The following P2RY11 variants were observed in gnomAD, a reference collection of about 807,000 sequenced individuals.
P2RY11 encodes P2Y purinoceptor 11.
A neutral mutation model predicts 2.4 loss-of-function variants in P2RY11; 3 were observed. The observed-to-expected ratio is 1.22, with a 90% confidence interval of 0.56 to 3.17. P2RY11 has a LOEUF of 3.17. P2RY11 is among the 30% of genes most tolerant of loss of function. The pLI is 0.03. For synonymous variants in P2RY11, 307 were observed against 237.3 expected, an observed-to-expected ratio of 1.29 and a Z score of -2.70; for missense variants, 670 against 528.2, an observed-to-expected ratio of 1.27 and a Z score of -2.63.
Position 10,114,499 on chromosome 19 carries a change from G to C in P2RY11, c.886G>C (p.Glu296Gln), listed in dbSNP as rs774263710. Reference protein sequence around the residue: ...ADIAQATAALELGPYVGYQVM... With the variant: ...ADIAQATAALQLGPYVGYQVM... ...CATAGCCCAGGCCACAGCAGCCCTG[G>C]AGCTGGGGCCCTACGTGGGCTACCA... is the stretch of plus-strand genomic sequence containing the variant. The change falls in exon 2 of 2, where the codon GAG becomes CAG. Residue 296 changes from glutamate to glutamine, a missense_variant. Transcript: ENST00000321826. 14 of 1,610,106 alleles carry C rather than the reference G, an allele frequency of 8.7e-6. No homozygotes were observed. The highest frequency in any genetic ancestry group is 1.1e-5 in the Non-Finnish European group (13 of 1,177,664).
chr19:10,114,272 T>C lies in P2RY11; in HGVS notation c.659T>C (p.Leu220Pro), dbSNP rs770343336. The C allele has an allele frequency of 1.6e-5, 25 of 1,598,446 alleles. No individual in the cohort carries two copies. Among genetic ancestry groups the C allele is most frequent in the Non-Finnish European group, 2.1e-5 (25 of 1,178,922 alleles). Residue 220 changes from leucine (L) to proline (P), a missense_variant, in exon 2 of 2, where the codon CTC becomes CCC. By Grantham distance (98) the Leu-to-Pro change is moderately conservative. Coordinates refer to ENST00000321826, the MANE Select transcript of P2RY11 (RefSeq NM_002566.5). The part of the protein sequence containing the change: ...AGLGCGLPLL[L>P]TLAAYGALGR... ...TTGGGCTGCGGCCTGCCGCTGCTGC[T>C]CACGCTGGCAGCCTACGGCGCCCTC...
chr19:10,113,698 G>T lies in P2RY11; in HGVS notation c.85G>T (p.Asp29Tyr). 1 of 1,613,420 alleles carries T rather than the reference G, an allele frequency of 6.2e-7. No homozygotes were observed. Reference protein sequence around the residue: ...ADDKLSGFQGDFLWPILVVEF... With the variant: ...ADDKLSGFQGYFLWPILVVEF... ...CGACAAACTCAGTGGGTTCCAGGGG[G>T]ACTTCCTGTGGCCCATACTGGTGGT... The change falls in exon 2 of 2, where the codon GAC (aspartate) becomes TAC (tyrosine). Residue 29 changes from aspartate (D) to tyrosine (Y), a missense_variant. Physicochemically the swap from Asp to Tyr is radical, Grantham distance 160. Transcript: ENST00000321826.
chr19:10,112,298 G>A (rs928507547), intron 1 of P2RY11: 1 of 153,894 alleles, frequency 6.5e-6, no homozygotes, highest in African/African-American at 2.4e-5. Context: ...ACGTCTAGAC[G>A]ACACTTCCTC....
chr19:10,112,660 TG>T (rs2145216441), intron 1 of P2RY11, among the ~76,000 whole-genome samples: 1 of 152,210 alleles, frequency 6.6e-6, no homozygotes, highest in African/African-American at 2.4e-5. Context: ...TGGGTGTGGC[TG>T]GGCACGGTGG....
chr19:10,113,103 T>A (rs1568489473), intron 1 of P2RY11, among the ~76,000 whole-genome samples: 1 of 151,262 alleles, frequency 6.6e-6, no homozygotes, highest in Non-Finnish European at 1.5e-5. Flanking sequence ...GTGGGGTGAG[T>A]CTGGCTTTTT....
rs2089216777 is a variant in P2RY11, at chr19:10,115,100, CAGT to C, written c.*363_*365del. On this transcript the variant is annotated 3_prime_UTR_variant, in exon 2 of 2. Coordinates refer to ENST00000321826, the MANE Select transcript of P2RY11 (RefSeq NM_002566.5). ...CGCCAAGGGTCCCGGACCGAGTACA[CAGT>C]GGCAGCTGGCTTAGTTGGTGGACGG... is the stretch of plus-strand genomic sequence containing the variant. 6.2e-7 allele frequency: 1 copy of C among 1,613,968 alleles called. No homozygotes were observed. Among genetic ancestry groups the C allele is most frequent in the Non-Finnish European group, 8.5e-7 (1 of 1,179,992 alleles).
chr19:10,111,847 C>G (rs2089091051), intron 1 of P2RY11, 107 bp downstream of exon 1: 3 of 1,343,326 alleles, frequency 2.2e-6, no homozygotes, highest in African/African-American at 1.4e-5. Flanking sequence ...CACGGTGGCT[C>G]ACGCCTGTAA....
rs759260844 is a variant in P2RY11, at chr19:10,114,287, A to G, written c.674A>G (p.Tyr225Cys). 2 of 1,597,876 alleles carry G rather than the reference A, an allele frequency of 1.3e-6. No individual in the cohort carries two copies. The highest frequency in any genetic ancestry group is 2.2e-5 in the South Asian group (2 of 90,968). Reference protein sequence around the residue: ...GLPLLLTLAAYGALGRAVLRS... With the variant: ...GLPLLLTLAACGALGRAVLRS... Reference sequence around the variant, plus strand: ...CCGCTGCTGCTCACGCTGGCAGCCTACGGCGCCCTCGGGCGGGCCGTGCTA... The same window carrying G: ...CCGCTGCTGCTCACGCTGGCAGCCTGCGGCGCCCTCGGGCGGGCCGTGCTA... The change falls in exon 2 of 2, where the codon TAC becomes TGC. Residue 225 changes from tyrosine (Y) to cysteine (C), a missense_variant. Transcript: ENST00000321826.
At chr19:10,113,460 C>A (rs1365057465) in intron 1 of P2RY11, among the ~76,000 whole-genome samples, 173 bp from the exon 2 acceptor site, 1 of 152,164 alleles carries the variant, frequency 6.6e-6, no homozygotes, top group Admixed American at 6.5e-5. Context: ...ATGCATAACC[C>A]TGGCTCTGAG....
Position 10,115,067 on chromosome 19 carries a change from T to G in P2RY11, c.*329T>G. On this transcript the variant is annotated 3_prime_UTR_variant, in exon 2 of 2. Coordinates refer to ENST00000321826, the MANE Select transcript of P2RY11 (RefSeq NM_002566.5). ...TTGGAGCCCGCGCTCTCGGAGGCTG[T>G]CTTCTGTCGCCAAGGGTCCCGGACC... 1.2e-6 allele frequency: 2 copies of G among 1,613,386 alleles called. No homozygotes were observed. Among genetic ancestry groups the G allele is most frequent in the African/African-American group, 1.3e-5 (1 of 75,042 alleles).
In P2RY11 at chr19:10,115,055, T is replaced by G. The variant is rs963292571; in HGVS notation, c.*317T>G. 2.5e-5 allele frequency: 41 copies of G among 1,611,280 alleles called. No homozygotes were observed. The highest frequency in any genetic ancestry group is 1.6e-4 in the Middle Eastern group (1 of 6,078). On this transcript the variant is annotated 3_prime_UTR_variant, in exon 2 of 2. Transcript: ENST00000321826. ...GCTTTATTGCCCTTGGAGCCCGCGC[T>G]CTCGGAGGCTGTCTTCTGTCGCCAA...
At position 10,113,865 on chromosome 19, in the gene P2RY11, G is replaced by T. The variant is rs200950283; in HGVS notation, c.252G>T (p.Pro84=). The change falls in exon 2 of 2, where the codon CCG becomes CCT. Residue 84 remains proline (P), a synonymous_variant. Coordinates refer to ENST00000321826, the MANE Select transcript of P2RY11 (RefSeq NM_002566.5). ...SDLLCALTLP[P]LAAYLYPPKH... ...TGCTCTGCGCCCTGACGCTGCCCCC[G>T]CTGGCCGCCTACCTCTATCCCCCCA... 1 of 1,610,970 alleles carries T rather than the reference G, an allele frequency of 6.2e-7. No individual in the cohort carries two copies. Among genetic ancestry groups the T allele is most frequent in the Non-Finnish European group, 8.5e-7 (1 of 1,179,164 alleles).
At chr19:10,113,427 C>T (rs11879089) in intron 1 of P2RY11, among the ~76,000 whole-genome samples, 2 of 152,044 alleles carry the variant, frequency 1.3e-5, no homozygotes, top group Non-Finnish European at 2.9e-5. Flanking sequence ...CCTGGCCCGC[C>T]TAAGCTGGTC....
rs763361696 is a variant in P2RY11, at chr19:10,114,224, C to T, written c.611C>T (p.Ala204Val). The change falls in exon 2 of 2, where the codon GCG becomes GTG. Residue 204 changes from alanine to valine, a missense_variant. Coordinates refer to ENST00000321826, the MANE Select transcript of P2RY11 (RefSeq NM_002566.5). ...TADHGLAAYR[A>V]YSLVLAGLGC... is the part of the protein sequence containing the mutation. ...GACCACGGGCTGGCGGCCTACAGAG[C>T]GTATAGCCTGGTGCTGGCGGGGTTG... The T allele has an allele frequency of 1.6e-5, 26 of 1,599,656 alleles. No individual in the cohort carries two copies. Among genetic ancestry groups the T allele is most frequent in the Admixed American group, 3.3e-5 (2 of 59,964 alleles).
rs1463191921 is a variant in P2RY11 at position 10,115,350 on chromosome 19, A to T, written c.*612A>T. ...CTGCCCGGTTTTGGAAAAAAACAATAAAGGACTGTCCCCTCAAAACCAGCC... is the reference window on the plus strand; with the variant it reads ...CTGCCCGGTTTTGGAAAAAAACAATTAAGGACTGTCCCCTCAAAACCAGCC... On this transcript the variant is annotated 3_prime_UTR_variant, in exon 2 of 2. Transcript: ENST00000321826. 1 of 1,211,216 alleles carries T rather than the reference A, an allele frequency of 8.3e-7. No individual in the cohort carries two copies. The highest frequency in any genetic ancestry group is 1.5e-5 in the African/African-American group (1 of 65,346). 75.0% of individuals were successfully genotyped at this position (1,211,216 alleles called of 1,614,324 possible).
chr19:10,114,572 T>C lies in P2RY11; in HGVS notation c.959T>C (p.Leu320Pro), dbSNP rs1255932782. The C allele has an allele frequency of 1.2e-6, 2 of 1,613,578 alleles. No homozygotes were observed. The highest frequency in any genetic ancestry group is 1.7e-6 in the Non-Finnish European group (2 of 1,179,950). Residue 320 changes from leucine to proline, a missense_variant, in exon 2 of 2, where the codon CTC becomes CCC. By Grantham distance (98) the Leu-to-Pro change is moderately conservative. Coordinates refer to ENST00000321826, the MANE Select transcript of P2RY11 (RefSeq NM_002566.5). Reference protein sequence around the residue: ...MPLAFCVHPLLYMAAVPSLGC... With the variant: ...MPLAFCVHPLPYMAAVPSLGC... ...CTGGCCTTCTGTGTCCACCCTCTACTCTACATGGCCGCAGTGCCCAGCCTG... is the reference window on the plus strand; with the variant it reads ...CTGGCCTTCTGTGTCCACCCTCTACCCTACATGGCCGCAGTGCCCAGCCTG...
intron 1 of P2RY11, among the ~76,000 whole-genome samples, chr19:10,111,951 A>G (rs2089095830): frequency 6.6e-6 from 1 of 152,162 alleles, no homozygotes; most frequent in Non-Finnish European, 1.5e-5. Flanking sequence ...CTCTACTAAA[A>G]ATAAAAAAAT....
chr19:10,113,656 T>G lies in P2RY11; in HGVS notation c.43T>G (p.Phe15Val). The change falls in exon 2 of 2, where the codon TTC becomes GTC. Residue 15 changes from phenylalanine to valine, a missense_variant. Physicochemically the swap from Phe to Val is conservative, Grantham distance 50 (BLOSUM62 -1). Transcript: ENST00000321826. ...VSGAKSCPAN[F>V]LAAADDKLSG... is the part of the protein sequence containing the mutation. ...AGGTGCCAAGTCCTGCCCTGCCAAC[T>G]TCTTGGCAGCTGCCGACGACAAACT... The G allele has an allele frequency of 6.2e-7, 1 of 1,612,286 alleles. No individual in the cohort carries two copies. Among genetic ancestry groups the G allele is most frequent in the Non-Finnish European group, 8.5e-7 (1 of 1,178,566 alleles).
Position 10,115,212 on chromosome 19 carries a change from G to A in P2RY11, c.*474G>A. On this transcript the variant is annotated 3_prime_UTR_variant, in exon 2 of 2. Transcript: ENST00000321826. ...CACCCAAGTGGCATCTTGGGGGTGG[G>A]TGGGCAGAGGACGGGGTAATGTGAG... The A allele has an allele frequency of 2.6e-6, 4 of 1,549,524 alleles. No individual in the cohort carries two copies. The highest frequency in any genetic ancestry group is 3.5e-6 in the Non-Finnish European group (4 of 1,135,080).
Sources: allele counts gnomAD v4.1 joint callset (sites outside exome capture counted in the v4.1 genomes callset), GRCh38; gene constraint gnomAD v4.1.1; transcripts MANE v1.5; gene names NCBI Gene and HGNC (gene_info 2026-07-23, HGNC 2026-07-21).